DGKI: variants seen among roughly 807,000 people sequenced by gnomAD.
DGKI encodes diacylglycerol kinase iota, also known as DAG kinase iota.
Under a neutral mutation model 147.5 loss-of-function variants are expected in DGKI, and 55 were observed. The ratio of observed to expected loss-of-function variants is 0.37; its 90% CI spans 0.30 to 0.47. The LOEUF is 0.47. Ranked by LOEUF, DGKI falls within the 20% of genes least tolerant of loss-of-function variation. DGKI has a pLI of 1.00. For missense variants in DGKI, 1,007 were observed against 1,323.8 expected, an observed-to-expected ratio of 0.76 and a Z score of 3.71; for synonymous variants, 469 against 477.1, an observed-to-expected ratio of 0.98 and a Z score of 0.22.
chr7:137,605,087 C>T (rs993785104), intron 10 of DGKI, among the ~76,000 whole-genome samples: 2 of 152,008 alleles, frequency 1.3e-5, no homozygotes, highest in Non-Finnish European at 2.9e-5. Flanking sequence ...GCGGGCAGAT[C>T]ACCTGAGGTC....
chr7:137,491,478 A>T (rs1815760561), intron 21 of DGKI, among the ~76,000 whole-genome samples: 1 of 152,232 alleles, frequency 6.6e-6, no homozygotes, highest in South Asian at 2.1e-4. Context: ...TATAAGGCTC[A>T]AGGCAAGAAC....
intron 28 of DGKI, among the ~76,000 whole-genome samples, chr7:137,420,791 G>T (rs546373693): frequency 6.6e-6 from 1 of 152,166 alleles, no homozygotes; most frequent in African/African-American, 2.4e-5. Context: ...GGCCGAGGCA[G>T]GTGAATCACC....
At chr7:137,591,441 C>G (rs1206296575) in intron 12 of DGKI, among the ~76,000 whole-genome samples, 1 of 152,144 alleles carries the variant, frequency 6.6e-6, no homozygotes, top group African/African-American at 2.4e-5. Flanking sequence ...AGTTCTCTGG[C>G]TGAGGTGGGT....
intron 19 of DGKI, among the ~76,000 whole-genome samples, chr7:137,567,713 A>C (rs1818636509): frequency 6.6e-6 from 1 of 152,222 alleles, no homozygotes. Context: ...AGACAACTGG[A>C]AATTCAAACT....
At chr7:137,653,770 G>A (rs986718707) in intron 5 of DGKI, among the ~76,000 whole-genome samples, 1 of 152,154 alleles carries the variant, frequency 6.6e-6, no homozygotes, top group Non-Finnish European at 1.5e-5. Context: ...ACTGAACCTC[G>A]TCTCCCTGAG....
intron 20 of DGKI, among the ~76,000 whole-genome samples, chr7:137,533,841 A>G (rs868524278): frequency 1.3e-5 from 2 of 152,260 alleles, no homozygotes; most frequent in Middle Eastern, 3.4e-3. Flanking sequence ...GCCCAAGATG[A>G]AAAGTATTTC....
chr7:137,640,401 C>T (rs1280983151), intron 6 of DGKI, among the ~76,000 whole-genome samples: 2 of 152,094 alleles, frequency 1.3e-5, no homozygotes, highest in East Asian at 3.9e-4. Context: ...CTTTATGGAG[C>T]ATCCTGGATT....
chr7:137,408,047 T>C (rs1284661373), intron 29 of DGKI, 52 bp from the exon 30 acceptor site: 2 of 1,603,738 alleles, frequency 1.2e-6, no homozygotes, highest in South Asian at 2.2e-5. Context: ...GGAACAAGGA[T>C]AACAGCTAAC....
In DGKI at chr7:137,491,173, C is replaced by T. The variant is rs116711226; in HGVS notation, c.2249-3484G>A. 4.6e-3 allele frequency among the ~76,000 whole-genome samples: 701 copies of T among 152,226 alleles called. 10 individuals are homozygous for T. Among genetic ancestry groups the T allele is most frequent in the African/African-American group, 0.016 (680 of 41,506 alleles). On this transcript the variant is annotated intron_variant, in intron 21 of 32. Transcript: ENST00000614521. ...CAAAAGGCTTGCAAACTGGCAGTAC[C>T]GGGTGCCTCAGGAGCTGAGGTTAAA...
At chr7:137,830,932 CTG>C (rs1453796905) in intron 1 of DGKI, among the ~76,000 whole-genome samples, 1 of 152,124 alleles carries the variant, frequency 6.6e-6, no homozygotes, top group African/African-American at 2.4e-5. Context: ...ATTATTTCCC[CTG>C]TGTGAGACAG....
At chr7:137,397,271 T>C in intron 31 of DGKI, 106 bp downstream of exon 31, 1 of 1,082,582 alleles carries the variant, frequency 9.2e-7, no homozygotes, top group Non-Finnish European at 1.3e-6. Flanking sequence ...GGACTTTGAA[T>C]TAATTAAGTT....
At position 137,508,428 on chromosome 7, in the gene DGKI, G is replaced by A. The variant is rs147516723; in HGVS notation, c.2248+13438C>T. Among the ~76,000 whole-genome samples, 728 of 151,716 alleles carry A rather than the reference G, an allele frequency of 4.8e-3. 3 individuals are homozygous for A. Among genetic ancestry groups the A allele is most frequent in the African/African-American group, 0.017 (700 of 41,378 alleles). On this transcript the variant is annotated intron_variant, in intron 21 of 32. Transcript: ENST00000614521. ...TTTTTAGTAGAGACAGGGTTTCACC[G>A]TGTTAGCCAGGATGGTCTTGATCTC...
At chr7:137,683,888 G>C (rs1391041053) in intron 2 of DGKI, among the ~76,000 whole-genome samples, 2 of 152,104 alleles carry the variant, frequency 1.3e-5, no homozygotes, top group Non-Finnish European at 2.9e-5. Flanking sequence ...CTAGATATAG[G>C]CATGTTTTCT....
At chr7:137,775,403 T>C (rs552264394) in intron 1 of DGKI, among the ~76,000 whole-genome samples, 22 of 152,340 alleles carry the variant, frequency 1.4e-4, no homozygotes, top group African/African-American at 5.3e-4. Context: ...TCTACCAAGG[T>C]ACCTCTGCCA....
chr7:137,784,689 A>T (rs1481643731), intron 1 of DGKI, among the ~76,000 whole-genome samples: 3 of 152,164 alleles, frequency 2.0e-5, no homozygotes, highest in African/African-American at 7.2e-5. Context: ...TCATCAGCAC[A>T]TGGTACATTC....
chr7:137,755,736 G>A (rs1585449328), intron 1 of DGKI, among the ~76,000 whole-genome samples: 1 of 152,240 alleles, frequency 6.6e-6, no homozygotes, highest in South Asian at 2.1e-4. Flanking sequence ...CAGCCTGGAG[G>A]ATAATGGATG....
chr7:137,810,320 G>A (rs1001294430), intron 1 of DGKI, among the ~76,000 whole-genome samples: 1 of 152,078 alleles, frequency 6.6e-6, no homozygotes, highest in South Asian at 2.1e-4. Context: ...TGGCTGCTAT[G>A]TGACAGGCAA....
At chr7:137,473,236 G>A (rs1457084153) in intron 23 of DGKI, among the ~76,000 whole-genome samples, 1 of 152,130 alleles carries the variant, frequency 6.6e-6, no homozygotes, top group African/African-American at 2.4e-5. Flanking sequence ...TTGCAAAAAT[G>A]TTTGATCTAC....
chr7:137,723,036 T>C (rs1034351812), intron 1 of DGKI, among the ~76,000 whole-genome samples: 5 of 152,240 alleles, frequency 3.3e-5, no homozygotes, highest in African/African-American at 1.2e-4. Flanking sequence ...ACTAATTATA[T>C]TATCAACCTC....
Sources: gnomAD v4.1 joint callset for allele counts (sites outside exome capture counted in the v4.1 genomes callset) on GRCh38, gnomAD v4.1.1 for gene constraint, MANE v1.5 for transcripts, NCBI Gene and HGNC (gene_info 2026-07-23, HGNC 2026-07-21) for gene names.